PTPRR: variants seen among roughly 807,000 people sequenced by gnomAD.
The protein encoded by PTPRR is protein tyrosine phosphatase receptor type R, also known as receptor-type tyrosine-protein phosphatase R.
In PTPRR, 38 loss-of-function variants were observed where a neutral mutation model predicts 77.2. The ratio of observed to expected loss-of-function variants is 0.49; its 90% CI spans 0.38 to 0.65. The LOEUF (loss-of-function observed/expected upper bound fraction) is 0.65. Ranked by LOEUF, PTPRR falls within the 30% of genes least tolerant of loss-of-function variation. The pLI, the probability that PTPRR is intolerant of heterozygous loss-of-function variation, is 0.00. For missense variants in PTPRR, 744 were observed against 799.2 expected (o/e 0.93, Z 0.83); for synonymous variants, 299 against 283.1 (o/e 1.06, Z -0.57).
At chr12:70,737,512 A>C (rs919100422) in intron 6 of PTPRR, among the ~76,000 whole-genome samples, 4 of 151,396 alleles carry the variant, frequency 2.6e-5, no homozygotes, top group African/African-American at 9.7e-5. Flanking sequence ...CTATCTATCT[A>C]TCTATCTATC....
In PTPRR at chr12:70,730,573, G is replaced by A. The variant is rs1056196235; in HGVS notation, c.1007+15245C>T. 3.3e-5 allele frequency among the ~76,000 whole-genome samples: 5 copies of A among 151,316 alleles called. No homozygotes were observed. In the South Asian group the frequency reaches 8.4e-4, roughly 25 times the overall value. On this transcript the variant is annotated intron_variant, in intron 6 of 13. Transcript: ENST00000283228. The stretch of plus-strand genomic sequence containing the variant: ...AGAGGCCAGGCACAGTGGCTCATGC[G>A]TGTAATTCTAGCACTTTGGGAGGCT...
intron 6 of PTPRR, among the ~76,000 whole-genome samples, chr12:70,742,608 G>A (rs1292499371): frequency 6.6e-6 from 1 of 152,164 alleles, no homozygotes; most frequent in African/African-American, 2.4e-5. Context: ...TGAAGGCAGT[G>A]TGGAAACACT....
At chr12:70,913,995 A>T (rs1893738748) in intron 1 of PTPRR, among the ~76,000 whole-genome samples, 5 of 152,190 alleles carry the variant, frequency 3.3e-5, no homozygotes, top group Admixed American at 3.3e-4. Context: ...AAGTACATTG[A>T]CAGGGGAATA....
intron 3 of PTPRR, 116 bp downstream of exon 3, chr12:70,764,549 A>G: frequency 1.3e-6 from 1 of 789,728 alleles, no homozygotes; most frequent in Non-Finnish European, 2.1e-6. Flanking sequence ...ATTTGCAAAA[A>G]CATGACGTGC....
chr12:70,769,493 G>C (rs892106162), intron 2 of PTPRR, among the ~76,000 whole-genome samples: 1 of 152,158 alleles, frequency 6.6e-6, no homozygotes, highest in Non-Finnish European at 1.5e-5. Context: ...ACAAACCACT[G>C]CTCAATGAAA....
rs1890764147 is a variant in PTPRR at position 70,764,409 on chromosome 12, A to C, written c.471+256T>G. Among the ~76,000 whole-genome samples, 3 of 152,140 alleles carry C rather than the reference A, an allele frequency of 2.0e-5. No individual in the cohort carries two copies. The South Asian group carries it at 6.2e-4, about 31-fold the overall frequency. On this transcript the variant is annotated intron_variant, in intron 3 of 13. Transcript: ENST00000283228. ...CAGAGTTAACAAACTTCCTCTATAA[A>C]GGGCCAGATGATAAACAGTTTAGGC... is the stretch of plus-strand genomic sequence containing the variant.
intron 3 of PTPRR, 121 bp downstream of exon 3, chr12:70,764,544 C>T (rs1890768260): frequency 2.6e-6 from 2 of 763,352 alleles, no homozygotes; most frequent in Admixed American, 2.5e-5. Flanking sequence ...ATTTTATTTG[C>T]AAAAACATGA....
At chr12:70,766,234 C>T (rs1378261474) in intron 2 of PTPRR, among the ~76,000 whole-genome samples, 1 of 152,134 alleles carries the variant, frequency 6.6e-6, no homozygotes, top group Non-Finnish European at 1.5e-5. Context: ...GGAGGAAATT[C>T]AAACCAAAGG....
intron 2 of PTPRR, chr12:70,788,893 G>C (rs1301730867): frequency 6.7e-7 from 1 of 1,501,760 alleles, no homozygotes; most frequent in Non-Finnish European, 8.8e-7. Flanking sequence ...CCTTACCATA[G>C]CAAGCAGGAC....
intron 2 of PTPRR, among the ~76,000 whole-genome samples, chr12:70,882,686 A>G (rs1893169893): frequency 6.6e-6 from 1 of 152,008 alleles, no homozygotes; most frequent in African/African-American, 2.4e-5. Flanking sequence ...ACATTTTCTA[A>G]TGTTTAGGCT....
In PTPRR at chr12:70,638,911, A is replaced by C; in HGVS notation, c.*273T>G. ...TGTGGCAGATAGAGTCAGTACAGACAAAACAAAATCTGCCTTAGGCTGTGT... is the reference window on the plus strand; with the variant it reads ...TGTGGCAGATAGAGTCAGTACAGACCAAACAAAATCTGCCTTAGGCTGTGT... On this transcript the variant is annotated 3_prime_UTR_variant, in exon 14 of 14. Coordinates refer to ENST00000283228, the MANE Select transcript of PTPRR (RefSeq NM_002849.4). The C allele has an allele frequency of 2.3e-6, 1 of 426,342 alleles. No individual in the cohort carries two copies. Among genetic ancestry groups the C allele is most frequent in the Admixed American group, 3.9e-5 (1 of 25,418 alleles). The allele number at this position is 426,342 out of a possible 1,614,324, so 26.4% of individuals were successfully genotyped here. A position where few individuals can be genotyped will look rare whatever the true frequency, so the allele number is the denominator to read the frequency against.
chr12:70,803,153 G>A (rs1171622323), intron 2 of PTPRR, among the ~76,000 whole-genome samples: 1 of 152,128 alleles, frequency 6.6e-6, no homozygotes, highest in East Asian at 1.9e-4. Flanking sequence ...TAAAGCAGTT[G>A]CCATCAGCTC....
chr12:70,739,691 G>A (rs972769), intron 6 of PTPRR, among the ~76,000 whole-genome samples: 59,429 of 151,952 alleles, frequency 0.39, 11,917 homozygotes, highest in East Asian at 0.51. Context: ...TTCAATTAAA[G>A]TCATTGCCAG....
At chr12:70,730,340 G>T (rs879856758) in intron 6 of PTPRR, among the ~76,000 whole-genome samples, 1 of 151,928 alleles carries the variant, frequency 6.6e-6, no homozygotes, top group Non-Finnish European at 1.5e-5. Context: ...GTGAAACCCC[G>T]TCTCTACTAA....
intron 6 of PTPRR, among the ~76,000 whole-genome samples, chr12:70,722,599 T>C (rs1299430576): frequency 6.6e-6 from 1 of 152,160 alleles, no homozygotes; most frequent in Non-Finnish European, 1.5e-5. Context: ...ATTTATGAGT[T>C]ATCTTATTTG....
Position 70,827,709 on chromosome 12 carries a change from C to CT in PTPRR, c.358-62932dup, listed in dbSNP as rs869285373. ...TATAGGTGCCTGCCACCACACCTGG[C>CT]TTTTTTTTTTTTTTTTTTTTTTTTT... is the stretch of plus-strand genomic sequence containing the variant. On this transcript the variant is annotated intron_variant, in intron 2 of 13. Transcript: ENST00000283228. Among the ~76,000 whole-genome samples the CT allele has an allele frequency of 5.1e-3, 325 of 63,860 alleles. 47 individuals carry two copies. Among genetic ancestry groups the CT allele is most frequent in the Non-Finnish European group, 6.4e-3 (238 of 37,050 alleles). 41.9% of individuals were successfully genotyped at this position (63,860 alleles called of 152,430 possible). A position where few individuals can be genotyped will look rare whatever the true frequency, so the allele number is the denominator to read the frequency against.
At chr12:70,689,649 G>A (rs1887989218) in intron 8 of PTPRR, among the ~76,000 whole-genome samples, 1 of 152,126 alleles carries the variant, frequency 6.6e-6, no homozygotes, top group Admixed American at 6.6e-5. Flanking sequence ...CCACAGTGGA[G>A]CAAACAACAT....
At chr12:70,706,414 T>G (rs1888621574) in intron 6 of PTPRR, among the ~76,000 whole-genome samples, 1 of 152,072 alleles carries the variant, frequency 6.6e-6, no homozygotes, top group African/African-American at 2.4e-5. Context: ...AAGGAAATCC[T>G]GAAGGGAAGA....
intron 6 of PTPRR, among the ~76,000 whole-genome samples, chr12:70,733,450 G>GA (rs1191607128): frequency 1.3e-5 from 1 of 75,538 alleles, no homozygotes; most frequent in African/African-American, 8.0e-5. Flanking sequence ...AAAAAAGAAA[G>GA]AAAAAAAGAA....
Sources: allele counts gnomAD v4.1 joint callset (sites outside exome capture counted in the v4.1 genomes callset), GRCh38; gene constraint gnomAD v4.1.1; transcripts MANE v1.5; gene names NCBI Gene and HGNC (gene_info 2026-07-23, HGNC 2026-07-21).